The following CLEC12A variants were observed in gnomAD, a reference collection of about 807,000 sequenced individuals.
The protein encoded by CLEC12A is C-type lectin domain family 12 member A.
In CLEC12A, 22 loss-of-function variants were observed where a neutral mutation model predicts 26.5. That is an observed-to-expected ratio of 0.83 (90% CI 0.59 to 1.19). CLEC12A has a LOEUF of 1.19. Ranked by LOEUF, CLEC12A falls within the 50% of genes most tolerant of loss-of-function variation. The probability of loss-of-function intolerance (pLI) is 0.00; values close to 1 mark genes in which losing one functional copy is unlikely to be tolerated. For missense variants in CLEC12A, 353 were observed against 315.6 expected, an observed-to-expected ratio of 1.12 and a Z score of -0.90; for synonymous variants, 119 against 101.9, an observed-to-expected ratio of 1.17 and a Z score of -1.01.
downstream of CLEC12A, chr12:9,986,256 G>C (rs1864762897): frequency 3.0e-6 from 1 of 331,546 alleles, no homozygotes; most frequent in Non-Finnish European, 6.3e-6. Flanking sequence ...ATTCCATTAG[G>C]GTACCAACTA....
In CLEC12A at chr12:9,985,047, A is replaced by G. The variant is rs1864720722; in HGVS notation, c.*21A>G. ...CATGAGGCATCAATCAAATACATTTAAGGAGTGTAGGGGGTGGGGGTTCTA... is the reference window on the plus strand; with the variant it reads ...CATGAGGCATCAATCAAATACATTTGAGGAGTGTAGGGGGTGGGGGTTCTA... On this transcript the variant is annotated 3_prime_UTR_variant, in exon 6 of 6. Coordinates refer to ENST00000304361, the MANE Select transcript of CLEC12A (RefSeq NM_138337.6). 2.0e-6 allele frequency: 3 copies of G among 1,472,360 alleles called. No homozygotes were observed. The highest frequency in any genetic ancestry group is 2.9e-5 in the African/African-American group (2 of 70,152). 91.2% of individuals were successfully genotyped at this position (1,472,360 alleles called of 1,614,324 possible).
downstream of CLEC12A, chr12:9,999,125 C>A: frequency 6.4e-7 from 1 of 1,550,862 alleles, no homozygotes; most frequent in Non-Finnish European, 8.8e-7. Context: ...TGCAACTGAG[C>A]TCAGAGTTCA....
chr12:9,999,582 G>C (rs1344394971), downstream of CLEC12A, among the ~76,000 whole-genome samples: 1 of 152,164 alleles, frequency 6.6e-6, no homozygotes, highest in East Asian at 1.9e-4. Flanking sequence ...GGATCTGATA[G>C]GGGCTAAATT....
intron 1 of CLEC12A, among the ~76,000 whole-genome samples, chr12:9,955,071 A>G (rs180776691): frequency 1.8e-3 from 281 of 152,268 alleles, no homozygotes; most frequent in African/African-American, 6.4e-3. Flanking sequence ...TGGTGCAAGT[A>G]TCCATGTATT....
chr12:9,991,686 T>C (rs1864896030), intron 4 of CLEC12A: 1 of 152,170 alleles, frequency 6.6e-6, no homozygotes, highest in Non-Finnish European at 1.5e-5. Flanking sequence ...CTTTCAGTGT[T>C]AGCGCACAAA....
chr12:9,988,310 A>T (rs558501640), downstream of CLEC12A, among the ~76,000 whole-genome samples: 1 of 152,328 alleles, frequency 6.6e-6, no homozygotes, highest in African/African-American at 2.4e-5. Context: ...ATGGGCAAGG[A>T]CTTCATGTCT....
intron 1 of CLEC12A, among the ~76,000 whole-genome samples, chr12:9,961,388 T>G (rs1863827220): frequency 6.6e-6 from 1 of 152,162 alleles, no homozygotes; most frequent in East Asian, 1.9e-4. Flanking sequence ...TGGTTTACAC[T>G]CCCCACACAG....
chr12:9,969,400 A>G (rs962102867), upstream of CLEC12A, among the ~76,000 whole-genome samples: 7 of 152,188 alleles, frequency 4.6e-5, no homozygotes, highest in African/African-American at 1.7e-4. Flanking sequence ...AAAATTTTTA[A>G]AAAACTGATA....
At chr12:9,980,182 A>G (rs1399860911) in intron 3 of CLEC12A, among the ~76,000 whole-genome samples, 2 of 152,184 alleles carry the variant, frequency 1.3e-5, no homozygotes, top group East Asian at 3.9e-4. Flanking sequence ...AGGAAGACAC[A>G]CTTGAATCCA....
chr12:9,988,571 C>T (rs984726550), downstream of CLEC12A, among the ~76,000 whole-genome samples: 6 of 152,190 alleles, frequency 3.9e-5, no homozygotes, highest in Admixed American at 1.3e-4. Flanking sequence ...ACAGACACTT[C>T]TCAAAAGAAG....
upstream of CLEC12A, chr12:9,971,262 G>A (rs525013): frequency 0.55 from 126,039 of 227,630 alleles, 35,389 homozygotes; most frequent in South Asian, 0.72. Flanking sequence ...GCATGACACT[G>A]ATGATGTTAT....
intron 1 of CLEC12A, among the ~76,000 whole-genome samples, chr12:9,976,113 T>C (rs1864324866): frequency 6.6e-6 from 1 of 152,180 alleles, no homozygotes; most frequent in Admixed American, 6.5e-5. Context: ...TAACCTCTGC[T>C]AGGACAGTGC....
chr12:9,967,112 A>C (rs1863977483), upstream of CLEC12A, among the ~76,000 whole-genome samples: 1 of 151,832 alleles, frequency 6.6e-6, no homozygotes, highest in Non-Finnish European at 1.5e-5. Context: ...GTGGAGGCTG[A>C]GGAAGAATTG....
downstream of CLEC12A, chr12:9,997,166 T>C (rs771971567): frequency 6.2e-7 from 1 of 1,613,862 alleles, no homozygotes; most frequent in East Asian, 2.2e-5. Flanking sequence ...TTACTGAAAG[T>C]GCCCTTTAGT....
In CLEC12A at chr12:9,978,980, TC is replaced by T; in HGVS notation, c.107del (p.Ser36PhefsTer11). 3.7e-6 allele frequency: 6 copies of T among 1,613,868 alleles called. No homozygotes were observed. Among genetic ancestry groups the T allele is most frequent in the Non-Finnish European group, 5.1e-6 (6 of 1,179,782 alleles). On this transcript the variant is annotated frameshift_variant, in exon 2 of 6. Transcript: ENST00000304361. LOFTEE classifies it high-confidence loss of function. ...GCTTTCCACAGCACCTCCAGCTCCC[TC>T]TCATGTATGGCGTCCAGCAGCCTTG... Reference protein sequence around the residue: ...KFGEKAPPAPSHVWRPAALFL... With the variant: ...KFGEKAPPAPXHVWRPAALFL...
chr12:9,964,538 C>G (rs940767099), intron 1 of CLEC12A, among the ~76,000 whole-genome samples: 11 of 152,030 alleles, frequency 7.2e-5, no homozygotes, highest in Non-Finnish European at 1.5e-4. Flanking sequence ...ATTGGAGGGT[C>G]CCCTGCCAGC....
intron 1 of CLEC12A, among the ~76,000 whole-genome samples, chr12:9,972,653 A>G (rs1419034086): frequency 6.6e-6 from 1 of 152,216 alleles, no homozygotes; most frequent in Non-Finnish European, 1.5e-5. Context: ...CACACAGAAT[A>G]TAACATCTTT....
chr12:9,987,030 T>C (rs1864782675), downstream of CLEC12A, among the ~76,000 whole-genome samples: 1 of 152,174 alleles, frequency 6.6e-6, no homozygotes, highest in Non-Finnish European at 1.5e-5. Context: ...ATTTTAGAAC[T>C]CAAAGAGAAA....
At chr12:9,986,923 G>A (rs1362550555), downstream of CLEC12A, among the ~76,000 whole-genome samples, 2 of 152,160 alleles carry the variant, frequency 1.3e-5, no homozygotes, top group Non-Finnish European at 2.9e-5. Context: ...TTTAGTTAAA[G>A]TCTTAGTAAA....
Sources: allele counts gnomAD v4.1 joint callset (sites outside exome capture counted in the v4.1 genomes callset), GRCh38; gene constraint gnomAD v4.1.1; transcripts MANE v1.5; gene names NCBI Gene and HGNC (gene_info 2026-07-23, HGNC 2026-07-21).